The following C1QTNF3 variants were observed in gnomAD, a reference collection of about 807,000 sequenced individuals.
The protein encoded by C1QTNF3 is complement C1q tumor necrosis factor-related protein 3.
Under a neutral mutation model 32.6 loss-of-function variants are expected in C1QTNF3, and 26 were observed. The ratio of observed to expected loss-of-function variants is 0.80; its 90% CI spans 0.58 to 1.11. The LOEUF (loss-of-function observed/expected upper bound fraction) is 1.11, where lower values mean the gene tolerates loss of function less well. C1QTNF3 is among the 50% of genes least tolerant of loss of function. The pLI, the probability that C1QTNF3 is intolerant of heterozygous loss-of-function variation, is 0.00. For synonymous variants in C1QTNF3, 155 were observed against 146.0 expected (o/e 1.06, Z -0.44); for missense variants, 362 against 398.2 (o/e 0.91, Z 0.77).
the C1QTNF3 span, among the ~76,000 whole-genome samples, chr5:34,094,212 T>C: frequency 2.0e-5 from 3 of 152,186 alleles, no homozygotes; most frequent in Non-Finnish European, 4.4e-5. Context: ...GTTCATGTTA[T>C]AGGAGCTTCT....
At chr5:34,167,658 G>A in the C1QTNF3 span, 1 of 152,174 alleles carries the variant, frequency 6.6e-6, no homozygotes, top group African/African-American at 2.4e-5. Context: ...AGAAGGGTAA[G>A]ATTTTGTCTT....
chr5:34,120,903 C>G, the C1QTNF3 span, among the ~76,000 whole-genome samples: 20 of 152,150 alleles, frequency 1.3e-4, no homozygotes, highest in Non-Finnish European at 2.2e-4. Flanking sequence ...ATAGTAATAG[C>G]AATGAATGAG....
At chr5:34,112,948 G>C in the C1QTNF3 span, among the ~76,000 whole-genome samples, 3 of 151,694 alleles carry the variant, frequency 2.0e-5, no homozygotes, top group African/African-American at 7.3e-5. Context: ...GCATGAATGA[G>C]GACGAAAGTC....
the C1QTNF3 span, among the ~76,000 whole-genome samples, chr5:34,064,115 G>A: frequency 2.0e-5 from 3 of 152,100 alleles, no homozygotes; most frequent in Non-Finnish European, 2.9e-5. Flanking sequence ...TTGTTAGAAA[G>A]CCCTTCCCCA....
At chr5:34,128,799 C>T in the C1QTNF3 span, among the ~76,000 whole-genome samples, 5 of 152,086 alleles carry the variant, frequency 3.3e-5, no homozygotes, top group Non-Finnish European at 5.9e-5. Flanking sequence ...GGCTCATAGG[C>T]GGAAGGGACT....
chr5:34,078,241 A>G, the C1QTNF3 span, among the ~76,000 whole-genome samples: 4 of 151,688 alleles, frequency 2.6e-5, no homozygotes, highest in African/African-American at 9.8e-5. This position sits in a 1 kb window ranked among gnomAD's most constrained non-coding sequence, Gnocchi z 4.0. Flanking sequence ...TGGTTTGACC[A>G]AGGCCCAGTC....
the C1QTNF3 span, among the ~76,000 whole-genome samples, chr5:34,128,190 T>C: frequency 6.6e-6 from 1 of 152,198 alleles, no homozygotes; most frequent in Admixed American, 6.5e-5. Flanking sequence ...CTTGGCAACT[T>C]CCACATACTG....
the C1QTNF3 span, chr5:34,164,628 A>T: frequency 6.6e-6 from 1 of 152,014 alleles, no homozygotes; most frequent in Non-Finnish European, 1.5e-5. Context: ...AACAATGGCC[A>T]TGGGTAAAAA....
At chr5:34,032,494 GT>G (rs1462160517) in intron 3 of C1QTNF3, among the ~76,000 whole-genome samples, 3 of 152,184 alleles carry the variant, frequency 2.0e-5, no homozygotes, top group Non-Finnish European at 4.4e-5. Flanking sequence ...AAAAGCTCAA[GT>G]AAAAATTATA....
chr5:34,176,527 T>C, the C1QTNF3 span, among the ~76,000 whole-genome samples: 1 of 152,196 alleles, frequency 6.6e-6, no homozygotes, highest in Non-Finnish European at 1.5e-5. Context: ...TACTCAATTT[T>C]TCTTACTTTT....
chr5:34,035,260 G>A (rs754933618), intron 2 of C1QTNF3, among the ~76,000 whole-genome samples: 38 of 152,216 alleles, frequency 2.5e-4, no homozygotes, highest in Admixed American at 6.5e-5. Context: ...TGGCATGAGA[G>A]TCAACTGAGA....
the C1QTNF3 span, among the ~76,000 whole-genome samples, chr5:34,195,816 G>A: frequency 6.9e-6 from 1 of 145,508 alleles, no homozygotes; most frequent in Non-Finnish European, 1.5e-5. Context: ...CTCCAGCCTG[G>A]GTGACAGAGC....
the C1QTNF3 span, among the ~76,000 whole-genome samples, chr5:34,089,124 G>T: frequency 6.6e-6 from 1 of 152,190 alleles, no homozygotes; most frequent in Non-Finnish European, 1.5e-5. Flanking sequence ...CTGTGAAGCA[G>T]TTTCAAGAAA....
At chr5:34,195,424 G>T in the C1QTNF3 span, among the ~76,000 whole-genome samples, 1 of 140,788 alleles carries the variant, frequency 7.1e-6, no homozygotes, top group African/African-American at 2.6e-5. Flanking sequence ...AAAAATTATT[G>T]ATACTGTTAA....
the C1QTNF3 span, among the ~76,000 whole-genome samples, chr5:34,125,063 T>A: frequency 6.6e-6 from 1 of 152,288 alleles, no homozygotes; most frequent in Admixed American, 6.5e-5. Flanking sequence ...AAGGCAAGCA[T>A]GACAAAACTT....
chr5:34,146,524 T>G, the C1QTNF3 span, among the ~76,000 whole-genome samples: 2 of 152,138 alleles, frequency 1.3e-5, no homozygotes, highest in Admixed American at 1.3e-4. Context: ...ACACTTACAA[T>G]CACCTGATCT....
the C1QTNF3 span, among the ~76,000 whole-genome samples, chr5:34,077,809 G>A: frequency 1.3e-5 from 2 of 151,558 alleles, no homozygotes; most frequent in African/African-American, 4.9e-5. Flanking sequence ...GCTGATAATA[G>A]CTAAGCAGCC....
chr5:34,063,971 A>G, the C1QTNF3 span, among the ~76,000 whole-genome samples: 1 of 152,134 alleles, frequency 6.6e-6, no homozygotes, highest in Non-Finnish European at 1.5e-5. Context: ...CTGTGCCATG[A>G]TCTCAACCAG....
chr5:34,201,974 C>A, the C1QTNF3 span, among the ~76,000 whole-genome samples: 1 of 152,096 alleles, frequency 6.6e-6, no homozygotes, highest in Non-Finnish European at 1.5e-5. Flanking sequence ...GGGGATTAGG[C>A]ACAAGGATAT....
Sources: allele counts gnomAD v4.1 joint callset (sites outside exome capture counted in the v4.1 genomes callset), GRCh38; gene constraint gnomAD v4.1.1; non-coding constraint Gnocchi (gnomAD v3.1); transcripts MANE v1.5; gene names NCBI Gene and HGNC (gene_info 2026-07-23, HGNC 2026-07-21).